ELOC: variants seen among roughly 807,000 people sequenced by gnomAD.
ELOC encodes the protein elongin C.
For missense variants in ELOC, 38 were observed against 139.0 expected (o/e 0.27, Z 3.65); for synonymous variants, 40 against 51.3 (o/e 0.78, Z 0.94).
chr8:73,963,994 G>A (rs934492437), intron 1 of ELOC, among the ~76,000 whole-genome samples: 3 of 150,984 alleles, frequency 2.0e-5, no homozygotes, highest in African/African-American at 7.3e-5. Flanking sequence ...TCGGGAGGCT[G>A]AGGCAGGAGA....
chr8:73,959,861 G>C, intron 1 of ELOC, 43 bp from the exon 2 acceptor site: 1 of 1,115,048 alleles, frequency 9.0e-7, no homozygotes, highest in Non-Finnish European at 1.2e-6. Flanking sequence ...TGTTGCAAGA[G>C]ACAAGTTTTC....
At chr8:73,957,555 T>C (rs1814275930) in intron 2 of ELOC, among the ~76,000 whole-genome samples, 1 of 152,168 alleles carries the variant, frequency 6.6e-6, no homozygotes, top group Admixed American at 6.6e-5. Flanking sequence ...GTTAAACAAT[T>C]AATTCAGAAA....
At chr8:73,953,966 T>C (rs1167677261) in intron 3 of ELOC, among the ~76,000 whole-genome samples, 3 of 152,190 alleles carry the variant, frequency 2.0e-5, no homozygotes, top group Admixed American at 6.5e-5. Context: ...AATAAACAAA[T>C]TGTGGTGTAT....
intron 1 of ELOC, chr8:73,969,649 G>A (rs1007330586): frequency 6.6e-6 from 1 of 152,174 alleles, no homozygotes; most frequent in Non-Finnish European, 1.5e-5. Context: ...CAACTCCTCA[G>A]AGAGGTCTTC....
intron 1 of ELOC, among the ~76,000 whole-genome samples, chr8:73,960,775 A>G (rs982316725): frequency 3.3e-5 from 5 of 152,160 alleles, no homozygotes; most frequent in Admixed American, 2.0e-4. Context: ...GCTTGAATGA[A>G]TGGCATGATA....
intron 3 of ELOC, among the ~76,000 whole-genome samples, chr8:73,949,905 AT>A (rs201649524): frequency 1.1e-4 from 16 of 152,100 alleles, no homozygotes; most frequent in African/African-American, 3.6e-4. Context: ...GGCATTTGTG[AT>A]TTTTTTTCCC....
intron 3 of ELOC, among the ~76,000 whole-genome samples, chr8:73,947,469 G>A (rs1813454575): frequency 6.6e-6 from 1 of 152,142 alleles, no homozygotes. Context: ...AGCCATCTAG[G>A]GGTGGTACTT....
At chr8:73,961,268 C>T (rs1344911282) in intron 1 of ELOC, among the ~76,000 whole-genome samples, 1 of 152,164 alleles carries the variant, frequency 6.6e-6, no homozygotes, top group African/African-American at 2.4e-5. Context: ...AACTATCATG[C>T]TCTAAGAAAT....
chr8:73,965,126 G>GT (rs1226451866), intron 1 of ELOC, among the ~76,000 whole-genome samples: 1 of 149,714 alleles, frequency 6.7e-6, no homozygotes, highest in East Asian at 1.9e-4. Context: ...TTCACAACGC[G>GT]TATCTGACAA....
At chr8:73,965,425 C>T (rs1222216063) in intron 1 of ELOC, among the ~76,000 whole-genome samples, 1 of 152,150 alleles carries the variant, frequency 6.6e-6, no homozygotes, top group African/African-American at 2.4e-5. Context: ...AGCTGTGGTA[C>T]ATTCATACAG....
intron 1 of ELOC, among the ~76,000 whole-genome samples, chr8:73,961,211 A>T (rs1171824698): frequency 2.0e-5 from 3 of 152,206 alleles, no homozygotes; most frequent in East Asian, 3.8e-4. Context: ...GATCTCATTT[A>T]TACTGATACT....
At chr8:73,960,087 T>TG (rs1586609830) in intron 1 of ELOC, among the ~76,000 whole-genome samples, 1 of 152,172 alleles carries the variant, frequency 6.6e-6, no homozygotes, top group East Asian at 1.9e-4. Context: ...ATAAATTGAT[T>TG]GGGGGTGGGG....
At position 73,945,899 on chromosome 8, in the gene ELOC, C is replaced by A. The variant is rs374937750; in HGVS notation, c.*731G>T. On this transcript the variant is annotated 3_prime_UTR_variant, in exon 4 of 4. Transcript: ENST00000520242. ...AAGGAAGAATAAATATTGCAAACGA[C>A]GCTTTATAGTCAATGCAAATACAGT... The A allele has an allele frequency of 1.3e-5, 2 of 151,446 alleles. No individual in the cohort carries two copies. The highest frequency in any genetic ancestry group is 1.5e-5 in the Non-Finnish European group (1 of 68,002). 9.4% of individuals were successfully genotyped at this position (151,446 alleles called of 1,614,324 possible). A position where few individuals can be genotyped will look rare whatever the true frequency, so the allele number is the denominator to read the frequency against.
chr8:73,955,957 T>C lies in ELOC; in HGVS notation c.102A>G (p.Glu34=). Residue 34 remains glutamate (E), a synonymous_variant, in exon 3 of 4, where the codon GAA becomes GAG. Coordinates refer to ENST00000520242, the MANE Select transcript of ELOC (RefSeq NM_005648.4). ...SDGHEFIVKR[E]HALTSGTIKA... ...TTATCGTGCCTGATGTTAATGCATGTTCTCTTTTTACAATAAATTCATGGC... is the reference window on the plus strand; with the variant it reads ...TTATCGTGCCTGATGTTAATGCATGCTCTCTTTTTACAATAAATTCATGGC... 3 of 1,614,086 alleles carry C rather than the reference T, an allele frequency of 1.9e-6. No individual in the cohort carries two copies. The highest frequency in any genetic ancestry group is 2.5e-6 in the Non-Finnish European group (3 of 1,179,946).
chr8:73,952,366 C>G (rs1465619648), intron 3 of ELOC, among the ~76,000 whole-genome samples: 1 of 151,384 alleles, frequency 6.6e-6, no homozygotes, highest in Non-Finnish European at 1.5e-5. Flanking sequence ...GAGATTGAGC[C>G]ACTGCACTCC....
chr8:73,969,236 C>G (rs1815197701), intron 1 of ELOC, among the ~76,000 whole-genome samples: 1 of 152,166 alleles, frequency 6.6e-6, no homozygotes, highest in Admixed American at 6.5e-5. Flanking sequence ...CTTCCTTTGT[C>G]TTCCCCATTT....
At chr8:73,956,324 G>T (rs1265175100) in intron 2 of ELOC, among the ~76,000 whole-genome samples, 1 of 152,164 alleles carries the variant, frequency 6.6e-6, no homozygotes, top group Non-Finnish European at 1.5e-5. Context: ...GGTGGAGGCT[G>T]CAGTGAGCCG....
intron 3 of ELOC, among the ~76,000 whole-genome samples, chr8:73,950,472 A>G (rs1053875646): frequency 2.0e-4 from 31 of 152,256 alleles, no homozygotes; most frequent in African/African-American, 7.5e-4. Context: ...CTGTATTTCA[A>G]TGTAACCAAA....
intron 1 of ELOC, among the ~76,000 whole-genome samples, chr8:73,971,714 T>C (rs555288731): frequency 6.6e-6 from 1 of 151,984 alleles, no homozygotes; most frequent in Non-Finnish European, 1.5e-5. Flanking sequence ...AGGGACTGAC[T>C]TCAAGAAAAG....
Sources: gnomAD v4.1 joint callset for allele counts (sites outside exome capture counted in the v4.1 genomes callset) on GRCh38, gnomAD v4.1.1 for gene constraint, MANE v1.5 for transcripts, NCBI Gene and HGNC (gene_info 2026-07-23, HGNC 2026-07-21) for gene names.